Variants in FAT1 observed in about 807,000 individuals in gnomAD.
The protein encoded by FAT1 is protocadherin Fat 1.
In FAT1, 171 loss-of-function variants were observed where a neutral mutation model predicts 329.8. That is an observed-to-expected ratio of 0.52 (90% CI 0.46 to 0.59). The LOEUF (loss-of-function observed/expected upper bound fraction) is 0.59. Ranked by LOEUF, FAT1 falls within the 20% of genes least tolerant of loss-of-function variation. FAT1 has a pLI of 0.00. For missense variants in FAT1, 5,672 were observed against 5,774.4 expected, an observed-to-expected ratio of 0.98 and a Z score of 0.57; for synonymous variants, 2,233 against 2,228.6, an observed-to-expected ratio of 1.00 and a Z score of -0.06.
chr4:186,700,665 G>C (rs112907122), intron 2 of FAT1, among the ~76,000 whole-genome samples: 1 of 152,202 alleles, frequency 6.6e-6, no homozygotes, highest in East Asian at 1.9e-4. Flanking sequence ...TCTTCAAAGA[G>C]TAAGAGGAGT....
chr4:186,606,770 A>T (rs2584346), intron 16 of FAT1, among the ~76,000 whole-genome samples: 31,718 of 152,120 alleles, frequency 0.21, 4,841 homozygotes, highest in African/African-American at 0.44. Context: ...CACAAAAGAA[A>T]GAAAGTCAAG....
intron 1 of FAT1, 87 bp from the exon 2 acceptor site, chr4:186,709,932 AT>A: frequency 8.2e-7 from 1 of 1,222,240 alleles, no homozygotes; most frequent in Non-Finnish European, 1.1e-6. Flanking sequence ...CATTAAAAAA[AT>A]ATTTTCCATA....
At position 186,620,911 on chromosome 4, in the gene FAT1, G is replaced by A. The variant is rs373111109; in HGVS notation, c.5675C>T (p.Thr1892Ile). 9.9e-6 allele frequency: 16 copies of A among 1,614,032 alleles called. No homozygotes were observed. The highest frequency in any genetic ancestry group is 1.3e-5 in the Non-Finnish European group (15 of 1,179,890). ...TGTGATGACTTTTACTCCTTTGTAT[G>A]TTGGTAACAAAAGAGATGCTTCATA... ...PLYEASLLLP[T>I]YKGVKVITVN... Residue 1892 changes from threonine (T) to isoleucine (I), a missense_variant, in exon 10 of 27, where the codon ACA becomes ATA. Thr to Ile is a moderately conservative substitution (Grantham distance 89). This residue lies in a region of FAT1 where 3,966 missense variants were observed against 3,915.2 expected (regional missense o/e 1.01). Transcript: ENST00000441802.
intron 14 of FAT1, among the ~76,000 whole-genome samples, chr4:186,610,685 A>ATATAATTTATATAAATATAAAT (rs1739391504): frequency 1.3e-5 from 1 of 75,660 alleles, no homozygotes; most frequent in Non-Finnish European, 2.7e-5. Context: ...ATAAATATAA[A>ATATAATTTATATAAATATAAAT]TTATATAATT....
At chr4:186,643,431 C>T (rs1741193801) in intron 3 of FAT1, among the ~76,000 whole-genome samples, 1 of 152,294 alleles carries the variant, frequency 6.6e-6, no homozygotes, top group African/African-American at 2.4e-5. Context: ...CTTAGCAAGG[C>T]TGCCGTAGTG....
At chr4:186,651,899 G>A (rs1741681718) in intron 3 of FAT1, among the ~76,000 whole-genome samples, 1 of 152,208 alleles carries the variant, frequency 6.6e-6, no homozygotes, top group Admixed American at 6.5e-5. Context: ...GGCCGTCTCA[G>A]CAGCTATTGT....
intron 1 of FAT1, among the ~76,000 whole-genome samples, chr4:186,715,029 G>A (rs147695700): frequency 0.041 from 6,223 of 152,120 alleles, 181 homozygotes; most frequent in Non-Finnish European, 0.067. Context: ...ACTGAGCTGA[G>A]ATCGCACCAC....
chr4:186,604,014 G>T, intron 18 of FAT1, 37 bp from the exon 19 acceptor site: 1 of 1,495,838 alleles, frequency 6.7e-7, no homozygotes. Context: ...CTTTGTCTAT[G>T]GCACTGTTTA....
intron 2 of FAT1, among the ~76,000 whole-genome samples, chr4:186,692,946 T>C (rs1285917224): frequency 6.6e-6 from 1 of 152,198 alleles, no homozygotes; most frequent in African/African-American, 2.4e-5. Context: ...ACTGGAATTC[T>C]CCAATTCCTT....
chr4:186,688,562 G>C (rs997291957), intron 2 of FAT1, among the ~76,000 whole-genome samples: 2 of 152,018 alleles, frequency 1.3e-5, no homozygotes, highest in Non-Finnish European at 2.9e-5. Context: ...CAACAGCTCG[G>C]AAGAAATGAA....
rs2126459307 is a variant in FAT1 at position 186,609,850 on chromosome 4, T to C, written c.10019A>G (p.Tyr3340Cys). Residue 3340 changes from tyrosine to cysteine, a missense_variant, in exon 15 of 27, where the codon TAC becomes TGC. This residue lies in a region of FAT1 where 1,706 missense variants were observed against 1,859.1 expected (regional missense o/e 0.92). Transcript: ENST00000441802. ...GGCATCTTCACTGATGACTGTCGTG[T>C]AGGTGTCTTGGCTGAACACAGGGGT... ...DNTPVFSQDT[Y>C]TTVISEDAVL... 6.2e-7 allele frequency: 1 copy of C among 1,613,918 alleles called. No homozygotes were observed. The highest frequency in any genetic ancestry group is 8.5e-7 in the Non-Finnish European group (1 of 1,179,770).
At chr4:186,664,076 T>C (rs542483552) in intron 2 of FAT1, among the ~76,000 whole-genome samples, 4 of 152,116 alleles carry the variant, frequency 2.6e-5, no homozygotes, top group Non-Finnish European at 5.9e-5. Context: ...GGCCCAGATC[T>C]GAGACCCCAC....
chr4:186,621,626 G>A lies in FAT1; in HGVS notation c.4960C>T (p.Arg1654Cys), dbSNP rs533979319. ...TTGTCAGCAATTGTGACAAAGATAC[G>A]CACAGAAGTTATTTCACTCATTGGT... is the stretch of plus-strand genomic sequence containing the variant. The part of the protein sequence containing the change: ...SPPMSEITSV[R>C]IFVTIADNAS... The change falls in exon 10 of 27, where the codon CGT becomes TGT. Residue 1654 changes from arginine to cysteine, a missense_variant. Arg to Cys is a radical substitution (Grantham distance 180, BLOSUM62 -3). Coordinates refer to ENST00000441802, the MANE Select transcript of FAT1 (RefSeq NM_005245.4). 146 of 1,613,974 alleles carry A rather than the reference G, an allele frequency of 9.0e-5. No individual in the cohort carries two copies. The South Asian group carries it at 1.3e-3, about 15-fold the overall frequency.
chr4:186,607,864 T>C (rs1739223534), intron 16 of FAT1, among the ~76,000 whole-genome samples: 1 of 152,138 alleles, frequency 6.6e-6, no homozygotes, highest in South Asian at 2.1e-4. Flanking sequence ...CATATTTATC[T>C]CAATCCCTCA....
chr4:186,694,999 T>A (rs969336032), intron 2 of FAT1, among the ~76,000 whole-genome samples: 1 of 152,060 alleles, frequency 6.6e-6, no homozygotes, highest in African/African-American at 2.4e-5. Flanking sequence ...ACAAAACAGC[T>A]TTTTCAAAGG....
chr4:186,691,045 T>A (rs1743735043), intron 2 of FAT1, among the ~76,000 whole-genome samples: 1 of 152,212 alleles, frequency 6.6e-6, no homozygotes. Flanking sequence ...TTTTGACCTG[T>A]TATACTAATT....
chr4:186,675,734 C>A (rs28551516), intron 2 of FAT1, among the ~76,000 whole-genome samples: 174 of 149,674 alleles, frequency 1.2e-3, no homozygotes, highest in African/African-American at 4.0e-3. Flanking sequence ...AGAGTGAGAC[C>A]CTGTCTAAAA....
intron 20 of FAT1, among the ~76,000 whole-genome samples, chr4:186,602,482 ATAT>A (rs1307221079): frequency 6.6e-6 from 1 of 152,192 alleles, no homozygotes; most frequent in Non-Finnish European, 1.5e-5. Flanking sequence ...ATGCTAGAAA[ATAT>A]TATCCAGCTA....
intron 3 of FAT1, among the ~76,000 whole-genome samples, chr4:186,646,632 C>T (rs780808143): frequency 6.6e-6 from 1 of 151,806 alleles, no homozygotes; most frequent in African/African-American, 2.4e-5. Flanking sequence ...TTAACATCTG[C>T]AATATTCAAA....
Sources: gnomAD v4.1 joint callset for allele counts (sites outside exome capture counted in the v4.1 genomes callset) on GRCh38, gnomAD v4.1.1 for gene constraint, gnomAD v4.1.1 regional missense constraint, MANE v1.5 for transcripts, NCBI Gene and HGNC (gene_info 2026-07-23, HGNC 2026-07-21) for gene names.